The following PDE4D variants were observed in gnomAD, a reference collection of about 807,000 sequenced individuals.
PDE4D encodes phosphodiesterase 4D.
PDE4D carries 24 observed loss-of-function variants against 87.4 expected under a neutral mutation model. The ratio of observed to expected loss-of-function variants is 0.27; its 90% CI spans 0.20 to 0.39. The LOEUF (loss-of-function observed/expected upper bound fraction) is 0.39. PDE4D is among the 10% of genes least tolerant of loss of function. The pLI, the probability that PDE4D is intolerant of heterozygous loss-of-function variation, is 1.00. For synonymous variants in PDE4D, 384 were observed against 383.2 expected (o/e 1.00, Z -0.02); for missense variants, 714 against 1,041.0 (o/e 0.69, Z 4.32).
At chr5:60,193,269 C>G (rs948185675) in intron 1 of PDE4D, among the ~76,000 whole-genome samples, 1 of 152,116 alleles carries the variant, frequency 6.6e-6, no homozygotes, top group African/African-American at 2.4e-5. Flanking sequence ...AAATAAACAA[C>G]TGAATCAGCA....
At chr5:59,489,880 T>C (rs745515644) in intron 1 of PDE4D, among the ~76,000 whole-genome samples, 1 of 152,234 alleles carries the variant, frequency 6.6e-6, no homozygotes, top group Non-Finnish European at 1.5e-5. Flanking sequence ...TCTTTCTCCA[T>C]GCCGTTGTTT....
intron 1 of PDE4D, among the ~76,000 whole-genome samples, chr5:59,691,041 A>G (rs1750823862): frequency 2.0e-5 from 3 of 152,176 alleles, no homozygotes; most frequent in African/African-American, 2.4e-5. Context: ...ACACCAGTTA[A>G]AATGGCAATC....
chr5:60,410,136 G>A (rs536474865), intron 1 of PDE4D, among the ~76,000 whole-genome samples: 11 of 152,284 alleles, frequency 7.2e-5, no homozygotes, highest in African/African-American at 2.6e-4. Context: ...GAGTCCAGGT[G>A]TTTAAGGGGG....
At chr5:59,726,986 C>T (rs1043776582) in intron 1 of PDE4D, among the ~76,000 whole-genome samples, 2 of 151,974 alleles carry the variant, frequency 1.3e-5, no homozygotes, top group Non-Finnish European at 2.9e-5. Context: ...AAGGGAGATA[C>T]ATTCTTATCT....
chr5:59,061,593 T>C (rs1416145098), intron 5 of PDE4D, among the ~76,000 whole-genome samples: 1 of 152,074 alleles, frequency 6.6e-6, no homozygotes, highest in Non-Finnish European at 1.5e-5. Flanking sequence ...GGGGACCCAA[T>C]TTTCATAAAT....
chr5:60,315,704 T>A lies in PDE4D; in HGVS notation c.-89-130017A>T, dbSNP rs187004272. Among the ~76,000 whole-genome samples, 53 of 152,330 alleles carry A rather than the reference T, an allele frequency of 3.5e-4. 1 individual carries two copies. The East Asian group carries it at 6.9e-3, about 20-fold the overall frequency. ...GGATCCAGTTTCAGCTTTCTACATATGGCTAGCCAGTTTTCCCAGTGCCAT... is the reference window on the plus strand; with the variant it reads ...GGATCCAGTTTCAGCTTTCTACATAAGGCTAGCCAGTTTTCCCAGTGCCAT... On this transcript the variant is annotated intron_variant, in intron 1 of 16. Coordinates refer to the PDE4D transcript ENST00000502484.
chr5:59,692,798 G>A (rs1460095226), intron 1 of PDE4D, among the ~76,000 whole-genome samples: 1 of 152,092 alleles, frequency 6.6e-6, no homozygotes, highest in Admixed American at 6.6e-5. Flanking sequence ...GAGTGCCTCT[G>A]TTGATTTTAC....
chr5:59,430,360 C>T, intron 1 of PDE4D: 1 of 1,231,298 alleles, frequency 8.1e-7, no homozygotes, highest in Non-Finnish European at 1.0e-6. Context: ...AACATAAGCG[C>T]TTCGGAATCT....
rs552425014 is a variant in PDE4D, at chr5:59,353,849, T to TA, written c.456-137882dup. Among the ~76,000 whole-genome samples the TA allele has an allele frequency of 8.1e-3, 1,227 of 152,222 alleles. 14 individuals carry two copies. Among genetic ancestry groups the TA allele is most frequent in the African/African-American group, 0.027 (1,114 of 41,550 alleles). On this transcript the variant is annotated intron_variant, in intron 1 of 14. Transcript: ENST00000340635. ...AAAAATGTATTTTACCCACATAAGA[T>TA]AAAAAATTGTCACAGCTGAAAAACT...
At chr5:60,283,773 G>A (rs1334020541) in intron 1 of PDE4D, among the ~76,000 whole-genome samples, 1 of 152,196 alleles carries the variant, frequency 6.6e-6, no homozygotes, top group East Asian at 1.9e-4. Context: ...GTCTCCCAAG[G>A]TGGCCATACT....
At chr5:59,788,410 C>CTTGAATGCT (rs1258755697) in intron 1 of PDE4D, among the ~76,000 whole-genome samples, 2 of 152,186 alleles carry the variant, frequency 1.3e-5, no homozygotes, top group Non-Finnish European at 2.9e-5. Context: ...GGCAGCTGCA[C>CTTGAATGCT]TTGAATGCTT....
intron 1 of PDE4D, among the ~76,000 whole-genome samples, chr5:59,657,551 T>C (rs1304497297): frequency 1.3e-5 from 2 of 152,214 alleles, no homozygotes; most frequent in Non-Finnish European, 2.9e-5. Flanking sequence ...TATTTCCCTG[T>C]AAGCTTATAG....
intron 1 of PDE4D, among the ~76,000 whole-genome samples, chr5:60,187,456 T>C (rs1021099491): frequency 6.6e-6 from 1 of 152,188 alleles, no homozygotes; most frequent in Non-Finnish European, 1.5e-5. Context: ...GAAAAACTTA[T>C]TCAAAATATT....
intron 1 of PDE4D, among the ~76,000 whole-genome samples, chr5:60,392,496 C>T (rs1473582777): frequency 1.3e-5 from 2 of 152,180 alleles, no homozygotes; most frequent in Non-Finnish European, 2.9e-5. Flanking sequence ...ATATTTCCTT[C>T]TAGGCTCCCT....
At chr5:59,572,497 T>C (rs1259371899) in intron 1 of PDE4D, among the ~76,000 whole-genome samples, 1 of 152,184 alleles carries the variant, frequency 6.6e-6, no homozygotes, top group African/African-American at 2.4e-5. Context: ...GTTTTTGTTT[T>C]TGAGACGGAG....
intron 1 of PDE4D, among the ~76,000 whole-genome samples, chr5:60,209,185 TTC>T (rs1742902776): frequency 1.4e-5 from 2 of 142,788 alleles, no homozygotes; most frequent in Admixed American, 7.6e-5. Context: ...TTTTCTTTTT[TTC>T]TTTTTTTTTT....
intron 1 of PDE4D, among the ~76,000 whole-genome samples, chr5:59,525,545 A>C (rs557291308): frequency 1.0e-3 from 157 of 152,342 alleles, no homozygotes; most frequent in Non-Finnish European, 1.7e-3. Flanking sequence ...TTAACGCTGA[A>C]ATGAGTCAAG....
At chr5:60,108,271 A>G (rs1777257147) in intron 2 of PDE4D, among the ~76,000 whole-genome samples, 1 of 151,750 alleles carries the variant, frequency 6.6e-6, no homozygotes. Context: ...TGCTTCAAAG[A>G]GAATAAAATA....
chr5:59,074,470 C>G (rs116260111), intron 5 of PDE4D, among the ~76,000 whole-genome samples: 1 of 151,972 alleles, frequency 6.6e-6, no homozygotes, highest in Non-Finnish European at 1.5e-5. Flanking sequence ...TTTTAGAAAG[C>G]GTCTAGGCCA....
Sources: allele counts gnomAD v4.1 joint callset (sites outside exome capture counted in the v4.1 genomes callset), GRCh38; gene constraint gnomAD v4.1.1; transcripts MANE v1.5; gene names NCBI Gene and HGNC (gene_info 2026-07-23, HGNC 2026-07-21).